WDR48: variants seen among roughly 807,000 people sequenced by gnomAD.
WDR48 encodes the protein WD repeat domain 48, also known as WD repeat-containing protein 48.
A neutral mutation model predicts 94.0 loss-of-function variants in WDR48; 22 were observed. The observed-to-expected ratio is 0.23, with a 90% CI of 0.17 to 0.33. The LOEUF is 0.33. WDR48 is among the 10% of genes least tolerant of loss of function. The pLI is 1.00. For synonymous variants in WDR48, 278 were observed against 280.5 expected, an observed-to-expected ratio of 0.99 and a Z score of 0.09; for missense variants, 541 against 813.8, an observed-to-expected ratio of 0.66 and a Z score of 4.08.
At chr3:39,094,182 C>G in intron 18 of WDR48, 116 bp downstream of exon 18, 1 of 1,474,012 alleles carries the variant, frequency 6.8e-7, no homozygotes, top group South Asian at 1.5e-5. Context: ...AGCCCTGGGC[C>G]TCTCCTACCT....
chr3:39,081,646 C>G (rs2034540574), intron 11 of WDR48, among the ~76,000 whole-genome samples: 1 of 152,218 alleles, frequency 6.6e-6, no homozygotes, highest in Non-Finnish European at 1.5e-5. Context: ...GTCCCTAACT[C>G]TGTCCTGTGG....
chr3:39,093,247 G>A (rs1234893136), intron 17 of WDR48, among the ~76,000 whole-genome samples: 5 of 152,164 alleles, frequency 3.3e-5, no homozygotes, highest in East Asian at 1.9e-4. Context: ...TAAGAGTGTC[G>A]GACCCTGGTA....
intron 1 of WDR48, among the ~76,000 whole-genome samples, chr3:39,057,737 C>G (rs2032987798): frequency 6.6e-6 from 1 of 152,198 alleles, no homozygotes; most frequent in Admixed American, 6.5e-5. Context: ...ATTCTCCTGC[C>G]TCAGCCTCCT....
At chr3:39,053,947 T>C (rs1181018110) in intron 1 of WDR48, among the ~76,000 whole-genome samples, 1 of 152,214 alleles carries the variant, frequency 6.6e-6, no homozygotes, top group Admixed American at 6.5e-5. Context: ...GACCTTGTTC[T>C]TCATAGGTAG....
Position 39,064,257 on chromosome 3 carries a change from A to G in WDR48, c.189+1067A>G, listed in dbSNP as rs994495797. On this transcript the variant is annotated intron_variant, in intron 2 of 18. Coordinates refer to ENST00000302313, the MANE Select transcript of WDR48 (RefSeq NM_020839.4). Reference sequence around the variant, plus strand: ...TTCAGTGTCCCTCAAGGTACCTATTAGGATCCATTTTCTTTTTTTTCTTTT... The same window carrying G: ...TTCAGTGTCCCTCAAGGTACCTATTGGGATCCATTTTCTTTTTTTTCTTTT... 2.0e-5 allele frequency among the ~76,000 whole-genome samples: 3 copies of G among 150,954 alleles called. No homozygotes were observed. In the South Asian group the frequency reaches 6.3e-4, roughly 32 times the overall value.
chr3:39,068,155 A>G (rs975366318), intron 5 of WDR48, among the ~76,000 whole-genome samples: 6 of 152,338 alleles, frequency 3.9e-5, no homozygotes, highest in African/African-American at 1.4e-4. Flanking sequence ...TACTTGCTAC[A>G]AGTAGACATT....
intron 1 of WDR48, among the ~76,000 whole-genome samples, chr3:39,054,626 C>A (rs905212552): frequency 6.6e-6 from 1 of 152,198 alleles, no homozygotes; most frequent in Non-Finnish European, 1.5e-5. Context: ...AAAATATATT[C>A]TACAAAATTG....
At position 39,078,603 on chromosome 3, in the gene WDR48, G is replaced by GAGTAGAGT. The variant is rs1270143462; in HGVS notation, c.1075+366_1075+367insTAGAGTAG. 2.6e-5 allele frequency among the ~76,000 whole-genome samples: 4 copies of GAGTAGAGT among 152,008 alleles called. No homozygotes were observed. The East Asian group carries it at 7.8e-4, about 30-fold the overall frequency. ...CCAGCTACTTTTTATATTTTTAGTA[G>GAGTAGAGT]AGATGGGGTTTCATCTTGTTGGCCA... On this transcript the variant is annotated intron_variant, in intron 10 of 18. Coordinates refer to ENST00000302313, the MANE Select transcript of WDR48 (RefSeq NM_020839.4).
chr3:39,064,679 C>G (rs944406626), intron 2 of WDR48, among the ~76,000 whole-genome samples: 1 of 152,142 alleles, frequency 6.6e-6, no homozygotes, highest in African/African-American at 2.4e-5. Flanking sequence ...AACCCTAGTG[C>G]TAGACCTTGT....
At chr3:39,094,201 C>T (rs1039383191) in intron 18 of WDR48, 135 bp downstream of exon 18, 137 of 1,457,358 alleles carry the variant, frequency 9.4e-5, no homozygotes, top group Non-Finnish European at 1.2e-4. Context: ...CTAAAGCCCA[C>T]CCTAAAGCTC....
chr3:39,067,910 G>A (rs185107659), intron 5 of WDR48, among the ~76,000 whole-genome samples: 36 of 151,976 alleles, frequency 2.4e-4, no homozygotes, highest in African/African-American at 8.7e-4. Flanking sequence ...TCCCTGTTGG[G>A]GCTGTCATGG....
At chr3:39,093,231 G>A (rs2035178895) in intron 17 of WDR48, among the ~76,000 whole-genome samples, 1 of 152,178 alleles carries the variant, frequency 6.6e-6, no homozygotes. Flanking sequence ...AGGGAAAATT[G>A]AGCACTAAGA....
Position 39,078,024 on chromosome 3 carries a change from GGTT to G in WDR48, c.973-108_973-106del, listed in dbSNP as rs2034316963. 4 of 726,124 alleles carry G rather than the reference GGTT, an allele frequency of 5.5e-6. No individual in the cohort carries two copies. The Admixed American group carries it at 8.3e-5, about 15-fold the overall frequency. The allele number at this position is 726,124 out of a possible 1,614,324, so 45.0% of individuals were successfully genotyped here. On this transcript the variant is annotated intron_variant, in intron 9 of 18. Coordinates refer to ENST00000302313, the MANE Select transcript of WDR48 (RefSeq NM_020839.4). Reference sequence around the variant, plus strand: ...CCAAATATTTTTCGGTTGATGTAGTGGTTGTTGAGGTTTTCTTGTTTGTTTTTT... The same window carrying G: ...CCAAATATTTTTCGGTTGATGTAGTGGTTGAGGTTTTCTTGTTTGTTTTTT...
At chr3:39,066,446 G>C in intron 3 of WDR48, 102 bp from the exon 4 acceptor site, 4 of 979,968 alleles carry the variant, frequency 4.1e-6, no homozygotes, top group Non-Finnish European at 4.6e-6. Context: ...GTGTAAGAGA[G>C]AGAATATGTT....
At chr3:39,067,267 T>C (rs1017953780) in intron 5 of WDR48, among the ~76,000 whole-genome samples, 10 of 152,222 alleles carry the variant, frequency 6.6e-5, no homozygotes, top group Non-Finnish European at 1.3e-4. Flanking sequence ...GTAGGCGGTT[T>C]TCTGACTTTT....
intron 1 of WDR48, among the ~76,000 whole-genome samples, chr3:39,058,338 C>T (rs188633571): frequency 9.2e-5 from 14 of 152,346 alleles, no homozygotes; most frequent in African/African-American, 3.1e-4. Flanking sequence ...AACTAGGATA[C>T]TTCTAATTCT....
At chr3:39,083,852 A>C (rs2034658917) in intron 11 of WDR48, among the ~76,000 whole-genome samples, 1 of 152,208 alleles carries the variant, frequency 6.6e-6, no homozygotes, top group Admixed American at 6.5e-5. Flanking sequence ...CCCCTTTGAG[A>C]AGATGGCCGA....
intron 1 of WDR48, chr3:39,052,285 G>T: frequency 1.9e-6 from 1 of 520,496 alleles, no homozygotes; most frequent in Non-Finnish European, 3.4e-6. Context: ...CCAGGCCCGG[G>T]ACCCTCGTGG....
At chr3:39,094,552 A>C (rs1443672552) in intron 18 of WDR48, 96 bp from the exon 19 acceptor site, 6 of 1,559,668 alleles carry the variant, frequency 3.8e-6, no homozygotes, top group Non-Finnish European at 5.2e-6. Flanking sequence ...GGGAGGAGTG[A>C]GCAAGCTGGA....
Sources: allele counts gnomAD v4.1 joint callset (sites outside exome capture counted in the v4.1 genomes callset), GRCh38; gene constraint gnomAD v4.1.1; transcripts MANE v1.5; gene names NCBI Gene and HGNC (gene_info 2026-07-23, HGNC 2026-07-21).